Variants in ZNF37A observed in about 807,000 individuals in gnomAD.
ZNF37A encodes zinc finger protein 37A.
ZNF37A carries 10 observed loss-of-function variants against 12.3 expected under a neutral mutation model. The observed-to-expected ratio is 0.82, with a 90% CI of 0.50 to 1.38. ZNF37A has a LOEUF of 1.38. Ranked by LOEUF, ZNF37A falls within the 40% of genes most tolerant of loss-of-function variation. The pLI is 0.00. For synonymous variants in ZNF37A, 207 were observed against 223.0 expected (o/e 0.93, Z 0.64); for missense variants, 580 against 651.2 (o/e 0.89, Z 1.19).
intron 5 of ZNF37A, among the ~76,000 whole-genome samples, chr10:38,108,827 T>C (rs1437288191): frequency 6.6e-6 from 1 of 152,094 alleles, no homozygotes; most frequent in Non-Finnish European, 1.5e-5. Flanking sequence ...AGTTCTGAAA[T>C]TGAGGCAGTA....
chr10:38,125,552 T>C (rs2069912719), downstream of ZNF37A: 1 of 152,148 alleles, frequency 6.6e-6, no homozygotes, highest in Non-Finnish European at 1.5e-5. Context: ...AAACATAAAA[T>C]CTCAATGGGT....
At chr10:38,143,092 C>T (rs774120142) in intron 7 of ZNF37A, 4 of 152,204 alleles carry the variant, frequency 2.6e-5, no homozygotes, top group Non-Finnish European at 5.9e-5. Context: ...AGTCCCAGGT[C>T]CCCCTGGCAG....
At chr10:38,116,952 CAT>C (rs1464126985) in intron 7 of ZNF37A, among the ~76,000 whole-genome samples, 1 of 152,068 alleles carries the variant, frequency 6.6e-6, no homozygotes, top group East Asian at 1.9e-4. Flanking sequence ...CTACTAAAAA[CAT>C]AAAAACTAGC....
At chr10:38,137,746 T>C (rs1348110888) in intron 7 of ZNF37A, 2 of 152,202 alleles carry the variant, frequency 1.3e-5, no homozygotes, top group African/African-American at 2.4e-5. Context: ...AAGATTACCA[T>C]AATGTACCAG....
chr10:38,125,034 C>T (rs368786575), downstream of ZNF37A: 3 of 152,076 alleles, frequency 2.0e-5, no homozygotes, highest in East Asian at 3.9e-4. Context: ...CATCATAGAT[C>T]TAAATATAAG....
downstream of ZNF37A, among the ~76,000 whole-genome samples, chr10:38,126,801 A>G (rs2069934726): frequency 6.6e-6 from 1 of 152,090 alleles, no homozygotes; most frequent in Admixed American, 6.6e-5. Context: ...GAAGCCAACT[A>G]TAGCCATAAC....
chr10:38,102,109 A>G (rs1353779359), intron 5 of ZNF37A, among the ~76,000 whole-genome samples: 2 of 152,144 alleles, frequency 1.3e-5, no homozygotes, highest in African/African-American at 4.8e-5. Context: ...TGCTGGGATT[A>G]CAGGTTTGAG....
chr10:38,137,054 G>A (rs941036205), intron 7 of ZNF37A, among the ~76,000 whole-genome samples: 2 of 152,042 alleles, frequency 1.3e-5, no homozygotes, highest in African/African-American at 4.8e-5. Flanking sequence ...TTTCGTCCAT[G>A]TCTTCCTTAG....
Position 38,118,982 on chromosome 10 carries a change from T to C in ZNF37A, c.*145T>C. The C allele has an allele frequency of 7.5e-7, 1 of 1,338,346 alleles. No homozygotes were observed. The allele number at this position is 1,338,346 out of a possible 1,614,324, so 82.9% of individuals were successfully genotyped here. On this transcript the variant is annotated 3_prime_UTR_variant, in exon 8 of 8. Transcript: ENST00000685332. The stretch of plus-strand genomic sequence containing the variant: ...GAAAAAACAATATGAAGATAGGGAA[T>C]GCAGGAAAACATTATTCTGGAATTT...
chr10:38,103,217 A>G (rs2067740853), intron 5 of ZNF37A, among the ~76,000 whole-genome samples: 4 of 151,904 alleles, frequency 2.6e-5, no homozygotes, highest in Admixed American at 2.0e-4. Flanking sequence ...GGCACTGTCT[A>G]TTTTTCACCA....
chr10:38,116,011 A>T (rs2069244259), intron 7 of ZNF37A, among the ~76,000 whole-genome samples: 1 of 152,118 alleles, frequency 6.6e-6, no homozygotes, highest in Non-Finnish European at 1.5e-5. Context: ...AAGAGGCTGC[A>T]GTTAACTGTG....
intron 1 of ZNF37A, among the ~76,000 whole-genome samples, chr10:38,094,729 T>C (rs1273374953): frequency 1.3e-5 from 2 of 152,228 alleles, no homozygotes; most frequent in African/African-American, 2.4e-5. Context: ...TTCTGCCCAA[T>C]AGATGCGCGC....
chr10:38,100,581 G>A (rs1197740031), intron 5 of ZNF37A, among the ~76,000 whole-genome samples: 1 of 152,134 alleles, frequency 6.6e-6, no homozygotes, highest in African/African-American at 2.4e-5. Context: ...GTTCCGCTTG[G>A]CTCACTGGCA....
chr10:38,134,278 CCTT>C (rs1156883518), intron 7 of ZNF37A, among the ~76,000 whole-genome samples: 8 of 152,198 alleles, frequency 5.3e-5, no homozygotes, highest in Non-Finnish European at 1.2e-4. Flanking sequence ...TCGTCTGAAG[CCTT>C]CTTCTCTCAA....
rs770950357 is a variant in ZNF37A, at chr10:38,117,542, G to A, written c.391G>A (p.Glu131Lys). Residue 131 changes from glutamate to lysine, a missense_variant, in exon 8 of 8, where the codon GAA (glutamate) becomes AAA (lysine). Physicochemically the swap from Glu to Lys is moderately conservative, Grantham distance 56 (BLOSUM62 1). Transcript: ENST00000685332. ...AAATGGGAACAGCTTCTGGCTGAATGAAGACCTCATTTGGCATCAGAAAAT... is the reference window on the plus strand; with the variant it reads ...AAATGGGAACAGCTTCTGGCTGAATAAAGACCTCATTTGGCATCAGAAAAT... ...NKNGNSFWLNEDLIWHQKIKN... is the reference protein window; with the variant it reads ...NKNGNSFWLNKDLIWHQKIKN... 9 of 1,613,574 alleles carry A rather than the reference G, an allele frequency of 5.6e-6. No homozygotes were observed. Among genetic ancestry groups the A allele is most frequent in the Non-Finnish European group, 7.6e-6 (9 of 1,179,852 alleles).
At chr10:38,094,809 C>G (rs2067014664) in intron 1 of ZNF37A, 122 bp from the exon 2 acceptor site, 1 of 152,296 alleles carries the variant, frequency 6.6e-6, no homozygotes, top group South Asian at 2.1e-4. Context: ...GCCGCGGTGT[C>G]ACTGCGATGC....
In ZNF37A at chr10:38,094,360, C is replaced by A. The variant is rs377219439; in HGVS notation, c.-622C>A. Reference sequence around the variant, plus strand: ...GGGAGATGTAGTGTGCACTTTTCGGCCCCCGTCGCGGGAGCCGCTTCGGGC... The same window carrying A: ...GGGAGATGTAGTGTGCACTTTTCGGACCCCGTCGCGGGAGCCGCTTCGGGC... On this transcript the variant is annotated 5_prime_UTR_variant, in exon 1 of 8. Coordinates refer to ENST00000685332, the MANE Select transcript of ZNF37A (RefSeq NM_001324250.3). The A allele has an allele frequency of 0.4, 60,630 of 151,486 alleles. 12,331 individuals carry two copies. Among genetic ancestry groups the A allele is most frequent in the East Asian group, 0.5 (2,527 of 5,092 alleles). The allele number at this position is 151,486 out of a possible 1,614,324, so 9.4% of individuals were successfully genotyped here. A position where few individuals can be genotyped will look rare whatever the true frequency, so the allele number is the denominator to read the frequency against.
At chr10:38,146,448 G>A (rs1383203089) in intron 7 of ZNF37A, among the ~76,000 whole-genome samples, 1 of 152,146 alleles carries the variant, frequency 6.6e-6, no homozygotes, top group East Asian at 1.9e-4. Flanking sequence ...TTGATAAACA[G>A]CTAGATTGGA....
At chr10:38,100,123 G>C (rs1198793915) in intron 5 of ZNF37A, among the ~76,000 whole-genome samples, 1 of 152,156 alleles carries the variant, frequency 6.6e-6, no homozygotes, top group African/African-American at 2.4e-5. Context: ...TTTTATTAGG[G>C]AGTTTCAAAA....
Sources: gnomAD v4.1 joint callset for allele counts (sites outside exome capture counted in the v4.1 genomes callset) on GRCh38, gnomAD v4.1.1 for gene constraint, MANE v1.5 for transcripts, NCBI Gene and HGNC (gene_info 2026-07-23, HGNC 2026-07-21) for gene names.